Variants in AVEN observed in about 807,000 individuals in gnomAD.
AVEN encodes the protein apoptosis and caspase activation inhibitor, also known as cell death regulator Aven.
AVEN carries 41 observed loss-of-function variants against 38.1 expected under a neutral mutation model. The observed-to-expected ratio is 1.08, with a 90% CI of 0.84 to 1.40. AVEN has a LOEUF of 1.40. AVEN is among the 40% of genes most tolerant of loss of function. The pLI is 0.00. For synonymous variants in AVEN, 206 were observed against 171.8 expected (o/e 1.20, Z -1.56); for missense variants, 605 against 438.8 (o/e 1.38, Z -3.38).
At chr15:33,936,172 C>A (rs971189264) in intron 2 of AVEN, among the ~76,000 whole-genome samples, 2 of 151,842 alleles carry the variant, frequency 1.3e-5, no homozygotes, top group Non-Finnish European at 2.9e-5. Flanking sequence ...TCTATCACTG[C>A]CTCTATTCAG....
intron 2 of AVEN, among the ~76,000 whole-genome samples, chr15:33,989,484 C>A (rs188100756): frequency 2.0e-5 from 3 of 150,702 alleles, no homozygotes; most frequent in Non-Finnish European, 4.4e-5. Context: ...ACAACCAAAA[C>A]CAAAACTAAG....
chr15:33,958,860 G>A lies in AVEN; in HGVS notation c.445+44172C>T, dbSNP rs115237550. Among the ~76,000 whole-genome samples, 879 of 152,194 alleles carry A rather than the reference G, an allele frequency of 5.8e-3. 6 individuals carry two copies. The highest frequency in any genetic ancestry group is 0.02 in the African/African-American group (841 of 41,516). On this transcript the variant is annotated intron_variant, in intron 2 of 5. Transcript: ENST00000306730. Reference sequence around the variant, plus strand: ...TTCTCTATGCCATAGGTGTGCTCGTGTCTTTTAGCTGCTTTTTTAAAGCTC... The same window carrying A: ...TTCTCTATGCCATAGGTGTGCTCGTATCTTTTAGCTGCTTTTTTAAAGCTC...
chr15:33,861,198 AAAAGTAAT>A, intron 11 of AVEN: 1 of 1,537,948 alleles, frequency 6.5e-7, no homozygotes, highest in Non-Finnish European at 8.9e-7. Context: ...CTTGGTTAAC[AAAAGTAAT>A]GGCAGCTGTA....
intron 2 of AVEN, among the ~76,000 whole-genome samples, chr15:33,985,646 G>A (rs1054185529): frequency 2.0e-5 from 3 of 151,944 alleles, no homozygotes; most frequent in African/African-American, 7.2e-5. Flanking sequence ...GCACTGTGTT[G>A]TAGGCATTTC....
At chr15:34,055,877 T>G (rs982167061) in intron 5 of AVEN, among the ~76,000 whole-genome samples, 2 of 152,078 alleles carry the variant, frequency 1.3e-5, no homozygotes, top group Admixed American at 6.6e-5. Context: ...CTTCTACAAT[T>G]TAACAAGATT....
intron 1 of AVEN, among the ~76,000 whole-genome samples, chr15:34,029,806 TAA>T (rs1234316357): frequency 6.6e-6 from 1 of 152,200 alleles, no homozygotes; most frequent in Non-Finnish European, 1.5e-5. Context: ...TTTAATAATA[TAA>T]GACTAATCTT....
chr15:33,900,218 C>T (rs1037719944), intron 2 of AVEN, among the ~76,000 whole-genome samples: 4 of 152,102 alleles, frequency 2.6e-5, no homozygotes, highest in Admixed American at 6.6e-5. Flanking sequence ...ACCTCTCCCA[C>T]AAAGCCACAT....
intron 2 of AVEN, among the ~76,000 whole-genome samples, chr15:33,891,179 T>G (rs1393088881): frequency 6.6e-6 from 1 of 152,182 alleles, no homozygotes; most frequent in African/African-American, 2.4e-5. Flanking sequence ...TAAGCAAGCT[T>G]TAGAAATTTA....
At chr15:33,917,290 A>C (rs1458913605) in intron 2 of AVEN, among the ~76,000 whole-genome samples, 1 of 151,810 alleles carries the variant, frequency 6.6e-6, no homozygotes, top group Non-Finnish European at 1.5e-5. Context: ...CACAATTTGC[A>C]ATACAAAAAT....
At chr15:34,032,841 T>C (rs892643982) in intron 1 of AVEN, among the ~76,000 whole-genome samples, 39 of 152,220 alleles carry the variant, frequency 2.6e-4, no homozygotes, top group African/African-American at 9.4e-4. Context: ...GATGTGTAAC[T>C]CTAAAGAACA....
rs78675971 is a variant in AVEN, at chr15:33,888,182, C to G, written c.446-12187G>C. On this transcript the variant is annotated intron_variant, in intron 2 of 5. Transcript: ENST00000306730. ...ACAAAAATTTGTTAAGAGCCAGATA[C>G]TGTATTAAGTGCTGAAAATATAAAA... 3.7e-4 allele frequency among the ~76,000 whole-genome samples: 57 copies of G among 152,298 alleles called. No homozygotes were observed. The East Asian group carries it at 8.9e-3, about 24-fold the overall frequency.
At chr15:34,005,873 G>A (rs891483549) in intron 1 of AVEN, among the ~76,000 whole-genome samples, 10 of 152,154 alleles carry the variant, frequency 6.6e-5, no homozygotes, top group South Asian at 4.1e-4. Flanking sequence ...AAAAGATGGC[G>A]TTCTACATTA....
chr15:33,968,247 T>C (rs1054815150), intron 2 of AVEN, among the ~76,000 whole-genome samples: 2 of 152,036 alleles, frequency 1.3e-5, no homozygotes, highest in Non-Finnish European at 2.9e-5. Context: ...CTTAACTGTC[T>C]GTCAAATAAC....
At chr15:34,008,112 GAAAA>G (rs780982534) in intron 1 of AVEN, among the ~76,000 whole-genome samples, 1 of 151,986 alleles carries the variant, frequency 6.6e-6, no homozygotes, top group Non-Finnish European at 1.5e-5. Context: ...TATCACAGGA[GAAAA>G]AAATAGTCGA....
At chr15:33,949,045 C>G (rs559385817) in intron 2 of AVEN, among the ~76,000 whole-genome samples, 1 of 151,668 alleles carries the variant, frequency 6.6e-6, no homozygotes, top group African/African-American at 2.4e-5. Flanking sequence ...TTTTTTGAGA[C>G]GGAGTTTTGC....
chr15:33,930,652 A>G (rs944032065), intron 2 of AVEN, among the ~76,000 whole-genome samples: 14 of 152,122 alleles, frequency 9.2e-5, no homozygotes, highest in Non-Finnish European at 1.8e-4. Flanking sequence ...AATGAAAAGT[A>G]ATCTGTTACA....
At chr15:33,955,057 A>G (rs1333414215) in intron 2 of AVEN, among the ~76,000 whole-genome samples, 1 of 152,222 alleles carries the variant, frequency 6.6e-6, no homozygotes, top group Non-Finnish European at 1.5e-5. Context: ...CAGATACCAT[A>G]AAGAATACTA....
At chr15:34,019,039 GTTTT>G (rs72523303) in intron 1 of AVEN, among the ~76,000 whole-genome samples, 1 of 150,968 alleles carries the variant, frequency 6.6e-6, no homozygotes, top group Non-Finnish European at 1.5e-5. Flanking sequence ...TGATTGGTGC[GTTTT>G]TTTTACAGAG....
intron 2 of AVEN, among the ~76,000 whole-genome samples, chr15:33,949,554 T>C (rs80013426): frequency 0.026 from 3,986 of 152,232 alleles, 76 homozygotes; most frequent in African/African-American, 0.048. Context: ...TTAAGTGGAT[T>C]AGTCGTTGCC....
Sources: gnomAD v4.1 joint callset for allele counts (sites outside exome capture counted in the v4.1 genomes callset) on GRCh38, gnomAD v4.1.1 for gene constraint, MANE v1.5 for transcripts, NCBI Gene and HGNC (gene_info 2026-07-23, HGNC 2026-07-21) for gene names.